Variants in CDCA5 observed in about 807,000 individuals in gnomAD.
The protein encoded by CDCA5 is cell division cycle associated 5.
A neutral mutation model predicts 25.7 loss-of-function variants in CDCA5; 14 were observed. The observed-to-expected ratio is 0.54, with a 90% CI of 0.36 to 0.85. The LOEUF (loss-of-function observed/expected upper bound fraction) is 0.85, where lower values mean the gene tolerates loss of function less well. CDCA5 is among the 40% of genes least tolerant of loss of function. The pLI is 0.01. For missense variants in CDCA5, 307 were observed against 324.5 expected (o/e 0.95, Z 0.41); for synonymous variants, 127 against 128.7 (o/e 0.99, Z 0.09).
chr11:65,061,914 ATTTTTTTTTTT>A (rs35836447), downstream of CDCA5, among the ~76,000 whole-genome samples: 2 of 82,312 alleles, frequency 2.4e-5, no homozygotes, highest in East Asian at 3.4e-4. Flanking sequence ...CAGCTGCCTA[ATTTTTTTTTTT>A]TTTTTTTTTT....
intron 4 of CDCA5, among the ~76,000 whole-genome samples, chr11:65,081,324 A>G (rs573385875): frequency 6.6e-6 from 1 of 152,052 alleles, no homozygotes; most frequent in East Asian, 1.9e-4. Flanking sequence ...GCTACTTGGG[A>G]GGCTGAGGCA....
intron 4 of CDCA5, 120 bp downstream of exon 4, chr11:65,083,244 C>A: frequency 1.7e-6 from 2 of 1,165,008 alleles, no homozygotes; most frequent in South Asian, 1.3e-5. Context: ...TGCCCACAGG[C>A]AAACTGTTTT....
chr11:65,065,305 T>G (rs74442535), downstream of CDCA5, among the ~76,000 whole-genome samples: 2 of 152,110 alleles, frequency 1.3e-5, no homozygotes, highest in Admixed American at 1.3e-4. Context: ...AATTTTTTTT[T>G]GAGATAGTGT....
At chr11:65,063,363 C>T (rs551621322), downstream of CDCA5, among the ~76,000 whole-genome samples, 22 of 152,330 alleles carry the variant, frequency 1.4e-4, no homozygotes, top group South Asian at 4.3e-3. Flanking sequence ...CTGCTGGGAA[C>T]ACTGGTACTC....
intron 4 of CDCA5, among the ~76,000 whole-genome samples, chr11:65,081,905 C>T (rs931471617): frequency 7.2e-5 from 11 of 152,094 alleles, no homozygotes; most frequent in African/African-American, 1.4e-4. Flanking sequence ...TGCAGTGAGC[C>T]GAAATCTCGC....
Position 65,079,426 on chromosome 11 carries a change from T to C in CDCA5, c.605A>G (p.Asp202Gly), listed in dbSNP as rs533690572. The C allele has an allele frequency of 6.2e-7, 1 of 1,614,084 alleles. No individual in the cohort carries two copies. The highest frequency in any genetic ancestry group is 8.5e-7 in the Non-Finnish European group (1 of 1,180,002). Residue 202 changes from aspartate to glycine, a missense_variant, in exon 5 of 6, where the codon GAC (aspartate) becomes GGC (glycine). By Grantham distance (94) the Asp-to-Gly change is moderately conservative. Coordinates refer to ENST00000275517, the MANE Select transcript of CDCA5 (RefSeq NM_080668.4). Reference protein sequence around the residue: ...PRVCAKPWAPDMTLPGISPPP... With the variant: ...PRVCAKPWAPGMTLPGISPPP... Reference sequence around the variant, plus strand: ...TGGGGAGATTCCAGGGAGAGTCATGTCTGGGGCCCAGGGCTTTGCACAAAC... The same window carrying C: ...TGGGGAGATTCCAGGGAGAGTCATGCCTGGGGCCCAGGGCTTTGCACAAAC...
chr11:65,077,697 G>A lies in CDCA5; in HGVS notation c.*1410C>T. On this transcript the variant is annotated 3_prime_UTR_variant, in exon 6 of 6. Coordinates refer to ENST00000275517, the MANE Select transcript of CDCA5 (RefSeq NM_080668.4). ...AGGACACCTAGGCTTCCCCAGCAGGGGGCTTGCTTGCAGGTCTGACAAACC... is the reference window on the plus strand; with the variant it reads ...AGGACACCTAGGCTTCCCCAGCAGGAGGCTTGCTTGCAGGTCTGACAAACC... 1.0e-6 allele frequency: 1 copy of A among 985,492 alleles called. No individual in the cohort carries two copies. Among genetic ancestry groups the A allele is most frequent in the Non-Finnish European group, 1.2e-6 (1 of 829,974 alleles). 61.0% of individuals were successfully genotyped at this position (985,492 alleles called of 1,614,324 possible).
chr11:65,074,655 C>T (rs1947404698), downstream of CDCA5, among the ~76,000 whole-genome samples: 1 of 144,138 alleles, frequency 6.9e-6, no homozygotes, highest in Non-Finnish European at 1.5e-5. Context: ...GGAAGGATGG[C>T]TTGAGTCTGG....
chr11:65,079,309 C>G, intron 5 of CDCA5, 44 bp downstream of exon 5: 2 of 1,613,846 alleles, frequency 1.2e-6, no homozygotes, highest in Non-Finnish European at 1.7e-6. Flanking sequence ...CCCTGCACGT[C>G]TCCCAGAGCA....
exon 2 of CDCA5, chr11:65,068,539 A>G: frequency 1.6e-6 from 2 of 1,289,436 alleles, no homozygotes; most frequent in Non-Finnish European, 2.0e-6. Flanking sequence ...CTTGCTCCTC[A>G]ACAGGCTGCA....
downstream of CDCA5, among the ~76,000 whole-genome samples, chr11:65,076,839 G>A (rs1947455688): frequency 6.6e-6 from 1 of 152,210 alleles, no homozygotes. Flanking sequence ...GAGCCTGAAA[G>A]GGAATGGGGA....
intron 4 of CDCA5, among the ~76,000 whole-genome samples, chr11:65,067,318 A>G (rs1251122695): frequency 6.6e-6 from 1 of 152,174 alleles, no homozygotes; most frequent in East Asian, 1.9e-4. Flanking sequence ...CTGTGTATGA[A>G]TGGGAGAGCT....
In CDCA5 at chr11:65,066,853, T is replaced by TGCACA. The variant is rs1383067262; in HGVS notation, c.394_395insTGTGC (p.Gln132LeufsTer24). On this transcript the variant is annotated frameshift_variant, in exon 5 of 7. Transcript: ENST00000525464. LOFTEE classifies it high-confidence loss of function. Reference sequence around the variant, plus strand: ...CTCCCCCAGGGCCAGGTTGTGCACTTGGGTGGTGTTCAGTGACTCCCGAAG... The same window carrying TGCACA: ...CTCCCCCAGGGCCAGGTTGTGCACTTGCACAGGGTGGTGTTCAGTGACTCCCGAAG... 2.3e-6 allele frequency: 3 copies of TGCACA among 1,289,268 alleles called. No individual in the cohort carries two copies. The highest frequency in any genetic ancestry group is 2.0e-6 in the Non-Finnish European group (2 of 988,828). The allele number at this position is 1,289,268 out of a possible 1,614,324, so 79.9% of individuals were successfully genotyped here. A position where few individuals can be genotyped will look rare whatever the true frequency, so the allele number is the denominator to read the frequency against.
chr11:65,071,726 G>A (rs1180452965), intron 1 of CDCA5, among the ~76,000 whole-genome samples: 2 of 152,236 alleles, frequency 1.3e-5, no homozygotes, highest in African/African-American at 4.8e-5. Flanking sequence ...AGGACACTGG[G>A]AGGCATGAAA....
At chr11:65,063,612 A>C (rs1205961008), downstream of CDCA5, among the ~76,000 whole-genome samples, 1 of 152,208 alleles carries the variant, frequency 6.6e-6, no homozygotes. Flanking sequence ...CTGCACATTC[A>C]CGAAGCTATC....
At chr11:65,072,938 C>CTTTTTTTTTTTTT (rs751923442), downstream of CDCA5, among the ~76,000 whole-genome samples, 1 of 99,960 alleles carries the variant, frequency 1.0e-5, no homozygotes, top group Admixed American at 1.1e-4. Context: ...TTATTTCATT[C>CTTTTTTTTTTTTT]TTTTTTTTTT....
intron 4 of CDCA5, among the ~76,000 whole-genome samples, chr11:65,067,213 G>A (rs1947256169): frequency 6.6e-6 from 1 of 152,234 alleles, no homozygotes; most frequent in Non-Finnish European, 1.5e-5. Context: ...CCGCTCCTTT[G>A]GGCTGTAGGC....
downstream of CDCA5, among the ~76,000 whole-genome samples, chr11:65,074,952 C>T (rs1469861177): frequency 6.6e-6 from 1 of 150,498 alleles, no homozygotes; most frequent in Admixed American, 6.7e-5. Flanking sequence ...ATTCCAGCTA[C>T]TCAGGAGGCT....
Position 65,077,833 on chromosome 11 carries a change from C to T in CDCA5, c.*1274G>A. On this transcript the variant is annotated 3_prime_UTR_variant, in exon 6 of 6. Coordinates refer to ENST00000275517, the MANE Select transcript of CDCA5 (RefSeq NM_080668.4). ...AGTACCCTGACCCAGCACTCATCTTCCCTGGCATTCTCTGTTATCCACCAG... is the reference window on the plus strand; with the variant it reads ...AGTACCCTGACCCAGCACTCATCTTTCCTGGCATTCTCTGTTATCCACCAG... 2 of 985,786 alleles carry T rather than the reference C, an allele frequency of 2.0e-6. No individual in the cohort carries two copies. The highest frequency in any genetic ancestry group is 2.4e-6 in the Non-Finnish European group (2 of 830,076). 61.1% of individuals were successfully genotyped at this position (985,786 alleles called of 1,614,324 possible). A position where few individuals can be genotyped will look rare whatever the true frequency, so the allele number is the denominator to read the frequency against.
Sources: gnomAD v4.1 joint callset for allele counts (sites outside exome capture counted in the v4.1 genomes callset) on GRCh38, gnomAD v4.1.1 for gene constraint, MANE v1.5 for transcripts, NCBI Gene and HGNC (gene_info 2026-07-23, HGNC 2026-07-21) for gene names.